The following SAMD3 variants were observed in gnomAD, a reference collection of about 807,000 sequenced individuals.
SAMD3 encodes the protein sterile alpha motif domain-containing protein 3.
SAMD3 carries 63 observed loss-of-function variants against 58.5 expected under a neutral mutation model. The observed-to-expected ratio is 1.08, with a 90% CI of 0.88 to 1.33. The LOEUF is 1.33. Among genes scored for constraint, SAMD3 ranks in the 40% most tolerant of loss-of-function variants. The pLI, the probability that SAMD3 is intolerant of heterozygous loss-of-function variation, is 0.00. For missense variants in SAMD3, 604 were observed against 608.4 expected, an observed-to-expected ratio of 0.99 and a Z score of 0.08; for synonymous variants, 220 against 210.3, an observed-to-expected ratio of 1.05 and a Z score of -0.40.
At chr6:130,298,176 A>G (rs1006182877) in intron 2 of SAMD3, among the ~76,000 whole-genome samples, 6 of 152,228 alleles carry the variant, frequency 3.9e-5, no homozygotes, top group Admixed American at 3.3e-4. Context: ...TCAGACTAAC[A>G]GTAGACTTCT....
intron 7 of SAMD3, 80 bp downstream of exon 7, chr6:130,184,023 G>T: frequency 9.7e-7 from 1 of 1,034,326 alleles, no homozygotes; most frequent in Non-Finnish European, 1.5e-6. Flanking sequence ...GATGGGTGAA[G>T]CATAAAATTA....
At chr6:130,250,957 A>G (rs1773718040) in intron 2 of SAMD3, among the ~76,000 whole-genome samples, 1 of 152,194 alleles carries the variant, frequency 6.6e-6, no homozygotes, top group Non-Finnish European at 1.5e-5. Flanking sequence ...GTATATACTT[A>G]GCAGTGGTAT....
chr6:130,183,191 A>T (rs145128269), intron 7 of SAMD3: 1 of 358,686 alleles, frequency 2.8e-6, no homozygotes, highest in Non-Finnish European at 5.4e-6. Context: ...AATTAATTCA[A>T]TCTGAATCTC....
chr6:130,335,783 G>T (rs1280660403), intron 1 of SAMD3, among the ~76,000 whole-genome samples: 1 of 152,088 alleles, frequency 6.6e-6, no homozygotes, highest in Non-Finnish European at 1.5e-5. Flanking sequence ...CACAATGATA[G>T]ACTGGATTAA....
chr6:130,327,151 C>T (rs904734814), intron 1 of SAMD3, among the ~76,000 whole-genome samples: 1 of 151,738 alleles, frequency 6.6e-6, no homozygotes, highest in Non-Finnish European at 1.5e-5. Flanking sequence ...TTTGAAACCC[C>T]GGGACATGAA....
intron 1 of SAMD3, among the ~76,000 whole-genome samples, chr6:130,353,455 A>G (rs57966981): frequency 0.013 from 1,962 of 152,278 alleles, 38 homozygotes; most frequent in African/African-American, 0.045. Context: ...TGGGTTTCCA[A>G]AAATAAAATT....
intron 1 of SAMD3, among the ~76,000 whole-genome samples, chr6:130,331,420 A>C (rs946136270): frequency 1.3e-5 from 2 of 152,364 alleles, no homozygotes; most frequent in East Asian, 3.9e-4. Context: ...TGACTGGATA[A>C]AAAATAAATA....
At chr6:130,193,942 A>C (rs1271785465) in intron 5 of SAMD3, among the ~76,000 whole-genome samples, 2 of 151,972 alleles carry the variant, frequency 1.3e-5, no homozygotes, top group Non-Finnish European at 2.9e-5. Flanking sequence ...CCCAACCCCA[A>C]GCGTCACTGG....
At chr6:130,360,971 C>T (rs967354563) in intron 1 of SAMD3, among the ~76,000 whole-genome samples, 1 of 152,160 alleles carries the variant, frequency 6.6e-6, no homozygotes, top group African/African-American at 2.4e-5. Context: ...AAGGTTATCT[C>T]TCTTATTCCC....
At chr6:130,296,383 G>C (rs1308109933) in intron 2 of SAMD3, among the ~76,000 whole-genome samples, 1 of 152,118 alleles carries the variant, frequency 6.6e-6, no homozygotes, top group African/African-American at 2.4e-5. Context: ...AGGGTAGGTG[G>C]GAGTGCCCTT....
At chr6:130,307,473 C>T (rs1439468943) in intron 2 of SAMD3, among the ~76,000 whole-genome samples, 3 of 151,998 alleles carry the variant, frequency 2.0e-5, no homozygotes, top group African/African-American at 4.8e-5. Context: ...CTTCAAAGAC[C>T]TATTAATGGT....
At chr6:130,291,143 T>G (rs957526324) in intron 2 of SAMD3, among the ~76,000 whole-genome samples, 1 of 152,224 alleles carries the variant, frequency 6.6e-6, no homozygotes, top group Non-Finnish European at 1.5e-5. Context: ...CAGGCTGGAG[T>G]GCAGTGGTGC....
intron 2 of SAMD3, among the ~76,000 whole-genome samples, chr6:130,301,772 A>G (rs1408058014): frequency 1.3e-5 from 2 of 152,170 alleles, no homozygotes; most frequent in Non-Finnish European, 2.9e-5. Context: ...AGTGGAACAG[A>G]ATAGAAAACC....
chr6:130,210,521 C>T (rs1388128336), intron 4 of SAMD3, among the ~76,000 whole-genome samples: 9 of 151,504 alleles, frequency 5.9e-5, no homozygotes, highest in African/African-American at 2.2e-4. Context: ...ATCACTTGAA[C>T]CTGGGAGGCA....
intron 8 of SAMD3, 36 bp downstream of exon 8, chr6:130,175,805 A>G (rs541251528): frequency 1.5e-6 from 2 of 1,365,316 alleles, no homozygotes; most frequent in East Asian, 2.3e-5. Context: ...ATATCAATCT[A>G]TCAAGTCATC....
chr6:130,200,326 G>A (rs1434867173), intron 5 of SAMD3, among the ~76,000 whole-genome samples: 1 of 151,248 alleles, frequency 6.6e-6, no homozygotes, highest in Non-Finnish European at 1.5e-5. Context: ...TGGATCACGA[G>A]GTCAGGAGAT....
chr6:130,161,335 A>C (rs1207228905), intron 8 of SAMD3: 1 of 152,234 alleles, frequency 6.6e-6, no homozygotes, highest in Non-Finnish European at 1.5e-5. Flanking sequence ...AAATGTTTTA[A>C]TTATCTAAAT....
At chr6:130,301,579 C>T (rs2114975651) in intron 2 of SAMD3, among the ~76,000 whole-genome samples, 1 of 152,152 alleles carries the variant, frequency 6.6e-6, no homozygotes, top group African/African-American at 2.4e-5. Context: ...TTAGAAAAAA[C>T]AATTCTAAAA....
upstream of SAMD3, among the ~76,000 whole-genome samples, chr6:130,226,049 A>C (rs1367761920): frequency 2.6e-5 from 4 of 152,198 alleles, no homozygotes; most frequent in Non-Finnish European, 5.9e-5. Flanking sequence ...CCACTGTTGC[A>C]GAAGTATCTG....
Sources: allele counts gnomAD v4.1 joint callset (sites outside exome capture counted in the v4.1 genomes callset), GRCh38; gene constraint gnomAD v4.1.1; transcripts MANE v1.5; gene names NCBI Gene and HGNC (gene_info 2026-07-23, HGNC 2026-07-21).